Variants in FGF12 observed in about 807,000 individuals in gnomAD.
The protein encoded by FGF12 is fibroblast growth factor 12.
In FGF12, 14 loss-of-function variants were observed where a neutral mutation model predicts 23.6. That is an observed-to-expected ratio of 0.59 (90% confidence interval 0.39 to 0.93). The LOEUF (loss-of-function observed/expected upper bound fraction) is 0.93. FGF12 is among the 40% of genes least tolerant of loss of function. The probability of loss-of-function intolerance (pLI) is 0.00; values close to 1 mark genes in which losing one functional copy is unlikely to be tolerated. For synonymous variants in FGF12, 62 were observed against 77.3 expected (o/e 0.80, Z 1.04); for missense variants, 175 against 217.8 (o/e 0.80, Z 1.24).
intron 4 of FGF12, among the ~76,000 whole-genome samples, chr3:192,225,551 G>A (rs1718689565): frequency 6.6e-6 from 1 of 151,966 alleles, no homozygotes. Flanking sequence ...AAAACAGTTT[G>A]GTAATTCCTA....
intron 2 of FGF12, among the ~76,000 whole-genome samples, chr3:192,559,447 T>C (rs1035149513): frequency 2.6e-5 from 4 of 151,894 alleles, no homozygotes; most frequent in African/African-American, 9.7e-5. Flanking sequence ...ACACAGAGGA[T>C]TTTTAGGGTA....
chr3:192,539,118 G>T (rs950862010), intron 2 of FGF12, among the ~76,000 whole-genome samples: 8 of 152,092 alleles, frequency 5.3e-5, no homozygotes, highest in Non-Finnish European at 8.8e-5. Context: ...TTCCAGCGTG[G>T]ATGCTTTTTA....
rs151192004 is a variant in FGF12 at position 192,432,819 on chromosome 3, T to C, written c.14-72281A>G. On this transcript the variant is annotated intron_variant, in intron 2 of 5. Transcript: ENST00000445105. The stretch of plus-strand genomic sequence containing the variant: ...ACCTGAGTAGAGGACCCAGTGAAGC[T>C]GTGTCCGGTTTACTGACCCACCGAA... 4.7e-4 allele frequency among the ~76,000 whole-genome samples: 72 copies of C among 152,252 alleles called. 7 individuals carry two copies. In the East Asian group the frequency reaches 0.014, roughly 29 times the overall value.
intron 2 of FGF12, among the ~76,000 whole-genome samples, chr3:192,544,365 G>A (rs1577045904): frequency 6.6e-6 from 1 of 152,210 alleles, no homozygotes. Context: ...CTGATTTTTG[G>A]TTCTTATGAA....
intron 2 of FGF12, among the ~76,000 whole-genome samples, chr3:192,380,096 A>G (rs1292145954): frequency 3.9e-5 from 6 of 152,212 alleles, no homozygotes; most frequent in Non-Finnish European, 4.4e-5. Flanking sequence ...TATGCCAGAA[A>G]TCTCTAAGAA....
intron 2 of FGF12, among the ~76,000 whole-genome samples, chr3:192,505,632 T>C (rs77807347): frequency 0.025 from 3,755 of 152,304 alleles, 66 homozygotes; most frequent in Middle Eastern, 0.061. Flanking sequence ...ATATATATAA[T>C]CACTAGTTTT....
At chr3:192,330,512 C>A (rs1045562734) in intron 4 of FGF12, among the ~76,000 whole-genome samples, 1 of 152,086 alleles carries the variant, frequency 6.6e-6, no homozygotes, top group Non-Finnish European at 1.5e-5. Context: ...AACTGTATAT[C>A]CACATGCAAA....
intron 2 of FGF12, among the ~76,000 whole-genome samples, chr3:192,478,273 T>A (rs1723383963): frequency 6.6e-6 from 1 of 152,186 alleles, no homozygotes; most frequent in African/African-American, 2.4e-5. Context: ...ATTTTACTGA[T>A]AAGAAAAGTG....
intron 5 of FGF12, among the ~76,000 whole-genome samples, chr3:192,163,403 G>C (rs1050376337): frequency 3.5e-4 from 53 of 152,100 alleles, no homozygotes; most frequent in African/African-American, 1.2e-3. Flanking sequence ...ATGTAAAAAT[G>C]TAACATATAT....
chr3:192,381,611 C>T (rs904038902), intron 2 of FGF12, among the ~76,000 whole-genome samples: 3 of 151,946 alleles, frequency 2.0e-5, no homozygotes, highest in African/African-American at 7.3e-5. Flanking sequence ...AACCCTAGGG[C>T]GTCAAAAATG....
intron 4 of FGF12, among the ~76,000 whole-genome samples, chr3:192,220,606 A>T (rs570268090): frequency 6.6e-6 from 1 of 152,264 alleles, no homozygotes; most frequent in African/African-American, 2.4e-5. Context: ...CGACATACTG[A>T]GATAACATGC....
chr3:192,343,413 T>C (rs1480047771), intron 3 of FGF12, among the ~76,000 whole-genome samples: 1 of 152,142 alleles, frequency 6.6e-6, no homozygotes, highest in Non-Finnish European at 1.5e-5. Flanking sequence ...TAGTACCAGG[T>C]TATTTTCTCC....
chr3:192,462,090 A>G (rs1722881865), intron 2 of FGF12, among the ~76,000 whole-genome samples: 1 of 152,164 alleles, frequency 6.6e-6, no homozygotes, highest in Non-Finnish European at 1.5e-5. Flanking sequence ...AATTTAAAAC[A>G]TGTTTTTAAA....
chr3:192,153,243 A>C (rs1179920951), intron 5 of FGF12, among the ~76,000 whole-genome samples: 9 of 47,238 alleles, frequency 1.9e-4, no homozygotes, highest in African/African-American at 5.2e-4. Flanking sequence ...AATACAGCAC[A>C]CTGATGGGTC....
intron 2 of FGF12, among the ~76,000 whole-genome samples, chr3:192,619,858 C>T (rs1714906006): frequency 6.6e-6 from 1 of 152,158 alleles, no homozygotes; most frequent in Non-Finnish European, 1.5e-5. Flanking sequence ...GAATTTTCAG[C>T]TGGAGCAGAA....
intron 2 of FGF12, among the ~76,000 whole-genome samples, chr3:192,534,392 CTTTATT>C (rs969902447): frequency 6.6e-6 from 1 of 151,894 alleles, no homozygotes; most frequent in African/African-American, 2.4e-5. Flanking sequence ...GATGTAAGCT[CTTTATT>C]TTTATTTTTA....
At chr3:192,419,822 C>T (rs1028102986) in intron 2 of FGF12, among the ~76,000 whole-genome samples, 1 of 151,980 alleles carries the variant, frequency 6.6e-6, no homozygotes, top group African/African-American at 2.4e-5. Context: ...TTTACTAACC[C>T]GGAAAGAAAG....
At chr3:192,165,279 T>A (rs993649976) in intron 5 of FGF12, among the ~76,000 whole-genome samples, 1 of 150,536 alleles carries the variant, frequency 6.6e-6, no homozygotes, top group Non-Finnish European at 1.5e-5. Context: ...ATGTAAGTTA[T>A]GGCTAGGATG....
Position 192,140,022 on chromosome 3 carries a change from TTTGA to T in FGF12, c.*3983_*3986del, listed in dbSNP as rs1191956827. On this transcript the variant is annotated 3_prime_UTR_variant, in exon 6 of 6. Coordinates refer to ENST00000445105, the MANE Select transcript of FGF12 (RefSeq NM_004113.6). The stretch of plus-strand genomic sequence containing the variant: ...ACCAAAGTACTGAAGGAACACGTGC[TTTGA>T]TTATTATTCCCACCTGTTTCTTTTT... 6.6e-6 allele frequency: 1 copy of T among 152,080 alleles called. No homozygotes were observed. Among genetic ancestry groups the T allele is most frequent in the Non-Finnish European group, 1.5e-5 (1 of 67,932 alleles). 9.4% of individuals were successfully genotyped at this position (152,080 alleles called of 1,614,324 possible). A position where few individuals can be genotyped will look rare whatever the true frequency, so the allele number is the denominator to read the frequency against.
Sources: gnomAD v4.1 joint callset for allele counts (sites outside exome capture counted in the v4.1 genomes callset) on GRCh38, gnomAD v4.1.1 for gene constraint, MANE v1.5 for transcripts, NCBI Gene and HGNC (gene_info 2026-07-23, HGNC 2026-07-21) for gene names.